PTPRG: variants seen among roughly 807,000 people sequenced by gnomAD.
The protein encoded by PTPRG is receptor-type tyrosine-protein phosphatase gamma.
In PTPRG, 102 loss-of-function variants were observed where a neutral mutation model predicts 165.3. The observed-to-expected ratio is 0.62, with a 90% CI of 0.53 to 0.73. The LOEUF is 0.73. PTPRG is among the 30% of genes least tolerant of loss of function. The pLI, the probability that PTPRG is intolerant of heterozygous loss-of-function variation, is 0.00. For synonymous variants in PTPRG, 675 were observed against 669.5 expected (o/e 1.01, Z -0.13); for missense variants, 1,866 against 1,861.4 (o/e 1.00, Z -0.05).
At chr3:61,594,035 G>A (rs893252394) in intron 1 of PTPRG, among the ~76,000 whole-genome samples, 2 of 152,134 alleles carry the variant, frequency 1.3e-5, no homozygotes, top group Non-Finnish European at 2.9e-5. Flanking sequence ...TAATGAATGT[G>A]TATTGATTTT....
intron 2 of PTPRG, among the ~76,000 whole-genome samples, chr3:61,817,995 G>T (rs551546635): frequency 2.0e-5 from 3 of 152,166 alleles, no homozygotes; most frequent in Admixed American, 2.0e-4. Context: ...AAGTTGAGAA[G>T]ACAGGTCTGT....
chr3:61,728,893 GA>G (rs1409013158), intron 1 of PTPRG, among the ~76,000 whole-genome samples: 1 of 141,118 alleles, frequency 7.1e-6, no homozygotes, highest in African/African-American at 2.6e-5. Context: ...AAAAAAAAAA[GA>G]AAGAAAGAAA....
intron 3 of PTPRG, among the ~76,000 whole-genome samples, chr3:61,998,293 C>T: frequency 6.6e-6 from 1 of 152,104 alleles, no homozygotes; most frequent in Admixed American, 6.5e-5. Flanking sequence ...TCATGGGGAG[C>T]CCCAGACATA....
chr3:62,162,884 G>T (rs1034747197), intron 7 of PTPRG, among the ~76,000 whole-genome samples: 3 of 152,166 alleles, frequency 2.0e-5, no homozygotes, highest in African/African-American at 4.8e-5. Flanking sequence ...TCCCGTGCCT[G>T]CATTAGTCCA....
At chr3:62,156,120 G>A (rs1452813473) in intron 6 of PTPRG, among the ~76,000 whole-genome samples, 1 of 152,208 alleles carries the variant, frequency 6.6e-6, no homozygotes, top group Admixed American at 6.5e-5. Context: ...TCTTCTCTAC[G>A]ACACTATTCC....
chr3:61,681,647 C>A (rs944194917), intron 1 of PTPRG, among the ~76,000 whole-genome samples: 3 of 151,950 alleles, frequency 2.0e-5, no homozygotes, highest in Admixed American at 2.0e-4. Context: ...GGACTCATGC[C>A]CCATGGAATT....
chr3:62,110,420 C>T (rs1193785928), intron 5 of PTPRG, among the ~76,000 whole-genome samples: 2 of 151,842 alleles, frequency 1.3e-5, no homozygotes, highest in African/African-American at 2.4e-5. Flanking sequence ...CCCAGCGCGA[C>T]TTTATTGAGT....
At chr3:61,926,243 C>T (rs1208268725) in intron 2 of PTPRG, among the ~76,000 whole-genome samples, 1 of 152,038 alleles carries the variant, frequency 6.6e-6, no homozygotes, top group East Asian at 1.9e-4. Context: ...AGTTGTAGTA[C>T]CCAGTGTTGG....
chr3:61,905,355 A>G (rs2038615764), intron 2 of PTPRG, among the ~76,000 whole-genome samples: 1 of 152,118 alleles, frequency 6.6e-6, no homozygotes, highest in Non-Finnish European at 1.5e-5. Flanking sequence ...CAGGAGTCAC[A>G]TTAGAATCTG....
chr3:61,744,884 G>A (rs2033136585), intron 1 of PTPRG, among the ~76,000 whole-genome samples: 1 of 151,932 alleles, frequency 6.6e-6, no homozygotes. Flanking sequence ...TGATAGGTGG[G>A]CAGTGGCTAG....
At position 61,900,631 on chromosome 3, in the gene PTPRG, C is replaced by T. The variant is rs1205868997; in HGVS notation, c.191-88994C>T. 3.9e-5 allele frequency among the ~76,000 whole-genome samples: 6 copies of T among 152,290 alleles called. No individual in the cohort carries two copies. In the South Asian group the frequency reaches 1.0e-3, roughly 26 times the overall value. ...AAGGCTAAGTAAGACAACTGGAGGC[C>T]CATTAATGCCCAGGTCCACGGATTG... On this transcript the variant is annotated intron_variant, in intron 2 of 29. Coordinates refer to ENST00000474889, the MANE Select transcript of PTPRG (RefSeq NM_002841.4).
chr3:61,833,621 G>A (rs1323585669), intron 2 of PTPRG, among the ~76,000 whole-genome samples: 1 of 152,062 alleles, frequency 6.6e-6, no homozygotes, highest in Non-Finnish European at 1.5e-5. Context: ...GGAGTGCAGT[G>A]GTGTGATCTC....
At chr3:61,586,658 C>T (rs1390106699) in intron 1 of PTPRG, among the ~76,000 whole-genome samples, 2 of 152,154 alleles carry the variant, frequency 1.3e-5, no homozygotes, top group Non-Finnish European at 2.9e-5. Flanking sequence ...TGAGAATTTG[C>T]AAACTGGAAA....
chr3:61,616,862 A>G (rs1701312337), intron 1 of PTPRG, among the ~76,000 whole-genome samples: 1 of 152,210 alleles, frequency 6.6e-6, no homozygotes, highest in Non-Finnish European at 1.5e-5. Context: ...CTGCTGCTGC[A>G]GGGGTGCTGC....
At chr3:61,723,624 CA>C (rs2032139293) in intron 1 of PTPRG, among the ~76,000 whole-genome samples, 1 of 152,116 alleles carries the variant, frequency 6.6e-6, no homozygotes, top group South Asian at 2.1e-4. Flanking sequence ...TGTAGATTCA[CA>C]GGAAGGTGCC....
intron 2 of PTPRG, among the ~76,000 whole-genome samples, chr3:61,913,462 G>A (rs573581935): frequency 6.6e-6 from 1 of 152,036 alleles, no homozygotes; most frequent in Non-Finnish European, 1.5e-5. Context: ...CTCGTGATCC[G>A]CCTGCCTCAG....
At chr3:61,712,189 C>A (rs565422441) in intron 1 of PTPRG, among the ~76,000 whole-genome samples, 5 of 152,096 alleles carry the variant, frequency 3.3e-5, no homozygotes, top group African/African-American at 9.6e-5. Flanking sequence ...CCACCGCGCC[C>A]GGCCTGTTAT....
chr3:62,086,981 A>G (rs2106783353), intron 5 of PTPRG, among the ~76,000 whole-genome samples: 1 of 152,366 alleles, frequency 6.6e-6, no homozygotes, highest in Admixed American at 6.5e-5. Flanking sequence ...GAATTCTTTG[A>G]ATGTGACCAT....
At chr3:62,121,871 T>A (rs1257802288) in intron 5 of PTPRG, among the ~76,000 whole-genome samples, 1 of 152,198 alleles carries the variant, frequency 6.6e-6, no homozygotes, top group Non-Finnish European at 1.5e-5. Context: ...CTTTCTGGTT[T>A]TCCATTTTGT....
Sources: gnomAD v4.1 joint callset for allele counts (sites outside exome capture counted in the v4.1 genomes callset) on GRCh38, gnomAD v4.1.1 for gene constraint, MANE v1.5 for transcripts, NCBI Gene and HGNC (gene_info 2026-07-23, HGNC 2026-07-21) for gene names.